Variants in NOP9 observed in about 807,000 individuals in gnomAD.
The protein encoded by NOP9 is NOP9 nucleolar protein.
In NOP9, 50 loss-of-function variants were observed where a neutral mutation model predicts 63.0. The ratio of observed to expected loss-of-function variants is 0.79; its 90% CI spans 0.63 to 1.00. The LOEUF (loss-of-function observed/expected upper bound fraction) is 1.00, where lower values mean the gene tolerates loss of function less well. NOP9 is among the 50% of genes least tolerant of loss of function. The pLI, the probability that NOP9 is intolerant of heterozygous loss-of-function variation, is 0.00. For missense variants in NOP9, 758 were observed against 803.0 expected (o/e 0.94, Z 0.68); for synonymous variants, 343 against 332.8 (o/e 1.03, Z -0.33).
In NOP9 at chr14:24,307,804, G is replaced by C; in HGVS notation, c.*2709G>C. On this transcript the variant is annotated 3_prime_UTR_variant, in exon 10 of 10. Transcript: ENST00000267425. ...CCCTAAAGGTGGAGGGTAGAGCGGA[G>C]GGTTAGCAGTCACCTGAGTAAGTCA... 1 of 1,590,756 alleles carries C rather than the reference G, an allele frequency of 6.3e-7. No individual in the cohort carries two copies. Among genetic ancestry groups the C allele is most frequent in the Non-Finnish European group, 8.6e-7 (1 of 1,167,870 alleles).
chr14:24,293,609 A>G, the NOP9 span: 1 of 149,400 alleles, frequency 6.7e-6, no homozygotes, highest in African/African-American at 2.4e-5. Flanking sequence ...GAGAACAGCC[A>G]GGAAAATTCC....
chr14:24,273,984 T>C, the NOP9 span, among the ~76,000 whole-genome samples: 385 of 152,336 alleles, frequency 2.5e-3, no homozygotes, highest in African/African-American at 8.9e-3. Flanking sequence ...TAGAATAGTG[T>C]CTGTACTAAG....
chr14:24,294,951 T>TA (rs59888118), upstream of NOP9, among the ~76,000 whole-genome samples: 1,983 of 152,334 alleles, frequency 0.013, 28 homozygotes, highest in Admixed American at 0.029. Flanking sequence ...TGTCTTGATA[T>TA]AAAAAATTGG....
At chr14:24,301,905 A>C in intron 3 of NOP9, 60 bp from the exon 4 acceptor site, 1 of 1,560,436 alleles carries the variant, frequency 6.4e-7, no homozygotes, top group Non-Finnish European at 8.7e-7. Flanking sequence ...CTAAAGTTTG[A>C]GGTTACGCAG....
At chr14:24,292,376 C>T in the NOP9 span, 2 of 1,608,982 alleles carry the variant, frequency 1.2e-6, no homozygotes, top group African/African-American at 1.3e-5. Flanking sequence ...AGCCATGTCA[C>T]TTTCCTGCCC....
chr14:24,271,837 C>G, the NOP9 span: 1 of 152,166 alleles, frequency 6.6e-6, no homozygotes, highest in Non-Finnish European at 1.5e-5. Context: ...CTTCACTACT[C>G]CACTGACCTC....
At chr14:24,292,464 T>C in the NOP9 span, 1 of 1,474,610 alleles carries the variant, frequency 6.8e-7, no homozygotes, top group Non-Finnish European at 9.2e-7. Flanking sequence ...CTGCCCACGC[T>C]CCCCAGTGTG....
At chr14:24,293,526 ATTGT>A in the NOP9 span, 1 of 152,166 alleles carries the variant, frequency 6.6e-6, no homozygotes, top group Non-Finnish European at 1.5e-5. Flanking sequence ...GTAAGCTGAG[ATTGT>A]GCCACTGCAC....
chr14:24,299,170 C>T, upstream of NOP9: 1 of 1,551,546 alleles, frequency 6.4e-7, no homozygotes. Context: ...AGCCTGGAGA[C>T]TGTGTGTGTG....
At position 24,305,692 on chromosome 14, in the gene NOP9, G is replaced by T; in HGVS notation, c.*597G>T. On this transcript the variant is annotated 3_prime_UTR_variant, in exon 10 of 10. Coordinates refer to ENST00000267425, the MANE Select transcript of NOP9 (RefSeq NM_174913.3). Reference sequence around the variant, plus strand: ...TGCTCAGCCCCCTCCACTGCATGACGAAGGGTGGAGGAAATTCCCAGCAAC... The same window carrying T: ...TGCTCAGCCCCCTCCACTGCATGACTAAGGGTGGAGGAAATTCCCAGCAAC... 1 of 1,614,170 alleles carries T rather than the reference G, an allele frequency of 6.2e-7. No homozygotes were observed. The highest frequency in any genetic ancestry group is 1.1e-5 in the South Asian group (1 of 91,088).
upstream of NOP9, chr14:24,296,772 TC>T: frequency 6.2e-7 from 1 of 1,614,186 alleles, no homozygotes; most frequent in Non-Finnish European, 8.5e-7. Context: ...GACCAGCACA[TC>T]TAGACGCCCT....
chr14:24,288,584 G>A, the NOP9 span, among the ~76,000 whole-genome samples: 11 of 152,110 alleles, frequency 7.2e-5, no homozygotes, highest in Non-Finnish European at 1.2e-4. Context: ...TCCTGGCCTC[G>A]TGATCTGCCT....
chr14:24,286,536 T>G, the NOP9 span, among the ~76,000 whole-genome samples: 1 of 152,214 alleles, frequency 6.6e-6, no homozygotes, highest in Non-Finnish European at 1.5e-5. Flanking sequence ...TTTTCCATTT[T>G]TGTGCATGAC....
chr14:24,295,033 T>C (rs2041225963), upstream of NOP9, among the ~76,000 whole-genome samples: 1 of 152,220 alleles, frequency 6.6e-6, no homozygotes, highest in South Asian at 2.1e-4. Context: ...TTGTTTTCTT[T>C]TCTTTTTTTC....
At chr14:24,280,679 A>G in the NOP9 span, among the ~76,000 whole-genome samples, 1,372 of 152,350 alleles carry the variant, frequency 9.0e-3, 17 homozygotes, top group Non-Finnish European at 0.015. Flanking sequence ...TAGGGCTTAC[A>G]TTATAGTTGG....
At chr14:24,276,185 T>C in the NOP9 span, among the ~76,000 whole-genome samples, 1 of 152,022 alleles carries the variant, frequency 6.6e-6, no homozygotes, top group Admixed American at 6.6e-5. Flanking sequence ...GAGACCAGCC[T>C]GTCCAACACA....
chr14:24,271,726 T>G, the NOP9 span: 1 of 152,234 alleles, frequency 6.6e-6, no homozygotes, highest in Non-Finnish European at 1.5e-5. Context: ...CACGGGCGAC[T>G]GTAGCGTGCG....
At chr14:24,301,890 G>A (rs200974364) in intron 3 of NOP9, 75 bp from the exon 4 acceptor site, 7 of 1,524,974 alleles carry the variant, frequency 4.6e-6, no homozygotes, top group East Asian at 2.3e-5. Flanking sequence ...CCTGTATCTT[G>A]TTGCCTAAAG....
chr14:24,301,944 A>T, intron 3 of NOP9, 21 bp from the exon 4 acceptor site: 1 of 1,596,660 alleles, frequency 6.3e-7, no homozygotes, highest in Non-Finnish European at 8.5e-7. Context: ...AAGCCGCTTT[A>T]TTTCTGCCCT....
Sources: allele counts gnomAD v4.1 joint callset (sites outside exome capture counted in the v4.1 genomes callset), GRCh38; gene constraint gnomAD v4.1.1; transcripts MANE v1.5; gene names NCBI Gene and HGNC (gene_info 2026-07-23, HGNC 2026-07-21).